GALNT13: variants seen among roughly 807,000 people sequenced by gnomAD.
The protein encoded by GALNT13 is UDP-GalNAc:polypeptide N-acetylgalactosaminyltransferase 13.
Under a neutral mutation model 64.2 loss-of-function variants are expected in GALNT13, and 28 were observed. The ratio of observed to expected loss-of-function variants is 0.44; its 90% CI spans 0.32 to 0.60. The LOEUF is 0.60. Among genes scored for constraint, GALNT13 ranks in the 20% least tolerant of loss-of-function variants. The pLI is 0.05. For synonymous variants in GALNT13, 214 were observed against 224.6 expected (o/e 0.95, Z 0.42); for missense variants, 577 against 669.8 (o/e 0.86, Z 1.53).
chr2:153,768,796 G>A, the GALNT13 span, among the ~76,000 whole-genome samples: 1 of 152,258 alleles, frequency 6.6e-6, no homozygotes, highest in South Asian at 2.1e-4. Context: ...AACCCAGGAG[G>A]CGGAGCTTAC....
intron 2 of GALNT13, among the ~76,000 whole-genome samples, chr2:153,925,498 CTTTTTTTT>C (rs35443709): frequency 8.5e-6 from 1 of 117,656 alleles, no homozygotes; most frequent in Non-Finnish European, 1.8e-5. Flanking sequence ...AAGCCTCGAG[CTTTTTTTT>C]TTTTTTTTGC....
At chr2:154,397,943 C>T (rs1699131229) in intron 10 of GALNT13, among the ~76,000 whole-genome samples, 1 of 152,112 alleles carries the variant, frequency 6.6e-6, no homozygotes, top group South Asian at 2.1e-4. Context: ...GGTATTGTTG[C>T]TATCATTTTC....
At chr2:153,926,586 A>G (rs935729584) in intron 2 of GALNT13, among the ~76,000 whole-genome samples, 2 of 152,172 alleles carry the variant, frequency 1.3e-5, no homozygotes, top group Admixed American at 6.6e-5. Context: ...AGTAAAAGTT[A>G]GAATTTTGGA....
At chr2:153,462,321 T>C in the GALNT13 span, among the ~76,000 whole-genome samples, 2 of 152,150 alleles carry the variant, frequency 1.3e-5, no homozygotes, top group Non-Finnish European at 1.5e-5. Flanking sequence ...TTTCTGCATT[T>C]AAATTTAAAA....
At chr2:154,405,885 G>A (rs1025167542) in intron 10 of GALNT13, among the ~76,000 whole-genome samples, 7 of 152,036 alleles carry the variant, frequency 4.6e-5, no homozygotes, top group East Asian at 1.9e-4. Flanking sequence ...GTTTGGCTTC[G>A]AGGGAAATAG....
chr2:153,892,219 T>TA (rs1687598770), intron 1 of GALNT13, among the ~76,000 whole-genome samples: 1 of 152,064 alleles, frequency 6.6e-6, no homozygotes, highest in Non-Finnish European at 1.5e-5. Context: ...AAGTCCATAA[T>TA]ACAACCATTC....
intron 2 of GALNT13, among the ~76,000 whole-genome samples, chr2:153,943,812 A>G (rs1008190591): frequency 1.3e-5 from 2 of 152,132 alleles, no homozygotes; most frequent in Non-Finnish European, 2.9e-5. Context: ...ATGTTTTATT[A>G]ATTATCTGTT....
At chr2:154,162,468 A>G (rs1188097371) in intron 4 of GALNT13, among the ~76,000 whole-genome samples, 1 of 152,230 alleles carries the variant, frequency 6.6e-6, no homozygotes, top group Non-Finnish European at 1.5e-5. Flanking sequence ...GCTGAAAGAC[A>G]TGAGATGTAC....
chr2:153,937,085 T>G (rs1690989374), intron 2 of GALNT13, among the ~76,000 whole-genome samples: 1 of 152,116 alleles, frequency 6.6e-6, no homozygotes, highest in African/African-American at 2.4e-5. Context: ...GGGGGTGCAT[T>G]TAAGATGCTA....
At chr2:153,879,982 G>T (rs1376244597) in intron 1 of GALNT13, among the ~76,000 whole-genome samples, 1 of 151,998 alleles carries the variant, frequency 6.6e-6, no homozygotes, top group Non-Finnish European at 1.5e-5. Context: ...TTGCAGACAA[G>T]AATATTTTTA....
chr2:153,164,008 G>A, the GALNT13 span, among the ~76,000 whole-genome samples: 17 of 139,626 alleles, frequency 1.2e-4, no homozygotes, highest in Admixed American at 2.8e-4. Context: ...ACCGAGCCAG[G>A]CTCCGTCTCA....
the GALNT13 span, among the ~76,000 whole-genome samples, chr2:153,587,403 T>A: frequency 1.3e-5 from 2 of 152,110 alleles, no homozygotes; most frequent in South Asian, 4.1e-4. Flanking sequence ...TATTGGGCAA[T>A]TTACAAAAGA....
At chr2:153,993,743 A>G (rs1695325311) in intron 3 of GALNT13, among the ~76,000 whole-genome samples, 1 of 151,536 alleles carries the variant, frequency 6.6e-6, no homozygotes, top group Non-Finnish European at 1.5e-5. Context: ...TTCTTGACAT[A>G]TTAGATGATT....
the GALNT13 span, among the ~76,000 whole-genome samples, chr2:153,697,757 T>C: frequency 5.3e-5 from 8 of 152,286 alleles, no homozygotes; most frequent in African/African-American, 1.4e-4. Context: ...TGGCTTTCAA[T>C]CTGAATGACA....
chr2:154,022,305 A>C (rs1207811591), intron 3 of GALNT13, among the ~76,000 whole-genome samples: 1 of 152,176 alleles, frequency 6.6e-6, no homozygotes, highest in South Asian at 2.1e-4. Flanking sequence ...TATCTCTGGT[A>C]GAATTCGGCT....
At chr2:153,170,258 T>A in the GALNT13 span, among the ~76,000 whole-genome samples, 1 of 152,062 alleles carries the variant, frequency 6.6e-6, no homozygotes, top group Non-Finnish European at 1.5e-5. Flanking sequence ...CATGAAGATG[T>A]TTATTTGGTT....
At position 153,955,239 on chromosome 2, in the gene GALNT13, C is replaced by A. The variant is rs141724176; in HGVS notation, c.142+10600C>A. Among the ~76,000 whole-genome samples, 21 of 152,046 alleles carry A rather than the reference C, an allele frequency of 1.4e-4. 1 individual carries two copies. The highest frequency in any genetic ancestry group is 1.3e-4 in the Admixed American group (2 of 15,254). ...AAAGCTTAATAAAAATATTTGATAC[C>A]ATTCATTCATTCAGTAGAGGTACTG... On this transcript the variant is annotated intron_variant, in intron 3 of 12. Transcript: ENST00000392825.
the GALNT13 span, among the ~76,000 whole-genome samples, chr2:153,507,979 G>C: frequency 6.6e-6 from 1 of 152,122 alleles, no homozygotes; most frequent in East Asian, 1.9e-4. Context: ...CTGGGCTCTG[G>C]GTTCGTACTG....
At chr2:153,393,513 T>C in the GALNT13 span, among the ~76,000 whole-genome samples, 7 of 152,096 alleles carry the variant, frequency 4.6e-5, no homozygotes, top group Non-Finnish European at 8.8e-5. Context: ...TAATGTTCCG[T>C]TGCTGTATAA....
Sources: gnomAD v4.1 joint callset for allele counts (sites outside exome capture counted in the v4.1 genomes callset) on GRCh38, gnomAD v4.1.1 for gene constraint, MANE v1.5 for transcripts, NCBI Gene and HGNC (gene_info 2026-07-23, HGNC 2026-07-21) for gene names.